AP5Z1: variants seen among roughly 807,000 people sequenced by gnomAD.
AP5Z1 encodes the protein AP-5 complex subunit zeta-1.
Under a neutral mutation model 83.0 loss-of-function variants are expected in AP5Z1, and 106 were observed. The ratio of observed to expected loss-of-function variants is 1.28; its 90% confidence interval spans 1.09 to 1.50. The LOEUF (loss-of-function observed/expected upper bound fraction) is 1.50. Ranked by LOEUF, AP5Z1 falls within the 40% of genes most tolerant of loss-of-function variation. AP5Z1 has a pLI of 0.00. For missense variants in AP5Z1, 1,565 were observed against 1,094.2 expected (o/e 1.43, Z -6.07); for synonymous variants, 751 against 514.1 (o/e 1.46, Z -6.23).
chr7:4,789,695 C>G (rs1013183999), intron 13 of AP5Z1, 137 bp from the exon 14 acceptor site: 37 of 624,406 alleles, frequency 5.9e-5, no homozygotes, highest in Non-Finnish European at 9.3e-5. Context: ...CTCTGTGTCC[C>G]TGGGTGTTGG....
intron 10 of AP5Z1, among the ~76,000 whole-genome samples, chr7:4,787,221 AGT>A (rs1397217834): frequency 5.3e-5 from 8 of 151,664 alleles, no homozygotes; most frequent in Admixed American, 1.3e-4. Flanking sequence ...GGCTGGGGGC[AGT>A]GGCTCACACC....
Position 4,781,224 on chromosome 7 carries a change from C to G in AP5Z1, c.91C>G (p.Leu31Val). ...GAAGTTCTGTTCCCGGATCTGTAAACTGCTGCAGGCGGAGGACTTGGGGCC... is the reference window on the plus strand; with the variant it reads ...GAAGTTCTGTTCCCGGATCTGTAAAGTGCTGCAGGCGGAGGACTTGGGGCC... Reference protein sequence around the residue: ...LKKFCSRICKLLQAEDLGPDT... With the variant: ...LKKFCSRICKVLQAEDLGPDT... The change falls in exon 2 of 17, where the codon CTG (leucine) becomes GTG (valine). Residue 31 changes from leucine to valine, a missense_variant. By Grantham distance (32) the Leu-to-Val change is conservative. Transcript: ENST00000649063. The G allele has an allele frequency of 1.2e-6, 2 of 1,613,740 alleles. No homozygotes were observed. The highest frequency in any genetic ancestry group is 1.7e-6 in the Non-Finnish European group (2 of 1,179,630).
In AP5Z1 at chr7:4,785,600, C is replaced by G. The variant is rs1377553895; in HGVS notation, c.1048C>G (p.Leu350Val). ...PSFLYRSLSC[L>V]KALHGRVRGD... is the part of the protein sequence containing the mutation. ...CTTCCTGTACCGAAGTCTCTCCTGCCTGAAGGCCCTGCACGGGCGGGTGCG... is the reference window on the plus strand; with the variant it reads ...CTTCCTGTACCGAAGTCTCTCCTGCGTGAAGGCCCTGCACGGGCGGGTGCG... The change falls in exon 9 of 17, where the codon CTG becomes GTG. Residue 350 changes from leucine (L) to valine (V), a missense_variant. Leu to Val is a conservative substitution (Grantham distance 32). Transcript: ENST00000649063. 1.9e-6 allele frequency: 3 copies of G among 1,596,922 alleles called. No homozygotes were observed. Among genetic ancestry groups the G allele is most frequent in the African/African-American group, 2.7e-5 (2 of 74,744 alleles).
Position 4,785,517 on chromosome 7 carries a change from C to T in AP5Z1, c.970-5C>T, listed in dbSNP as rs373671779. On this transcript the variant is annotated splice_polypyrimidine_tract_variant and splice_region_variant and intron_variant, in intron 8 of 16. Coordinates refer to ENST00000649063, the MANE Select transcript of AP5Z1 (RefSeq NM_014855.3). ...GGCCCATTTGATGTGGTCCATGTCC[C>T]GCAGTGCCTGGTGGAGGCCGTGCTG... is the stretch of plus-strand genomic sequence containing the variant. 2.8e-4 allele frequency: 459 copies of T among 1,613,158 alleles called. 1 individual carries two copies. The highest frequency in any genetic ancestry group is 1.4e-3 in the African/African-American group (106 of 74,940).
intron 3 of AP5Z1, among the ~76,000 whole-genome samples, chr7:4,782,995 T>C (rs1452813138): frequency 6.6e-6 from 1 of 152,218 alleles, no homozygotes; most frequent in Non-Finnish European, 1.5e-5. Context: ...GGATCCACAC[T>C]GGAGGCCCCG....
At chr7:4,785,815 C>T in intron 9 of AP5Z1, 131 bp downstream of exon 9, 4 of 1,276,854 alleles carry the variant, frequency 3.1e-6, no homozygotes, top group South Asian at 1.9e-5. Context: ...CTGTGTTGCC[C>T]AGGCTGGTCT....
chr7:4,783,476 C>G lies in AP5Z1; in HGVS notation c.511+16C>G. 1 of 1,608,204 alleles carries G rather than the reference C, an allele frequency of 6.2e-7. No homozygotes were observed. The highest frequency in any genetic ancestry group is 1.1e-5 in the South Asian group (1 of 90,840). The stretch of plus-strand genomic sequence containing the variant: ...CTCCAGGAGGGTACGCGGGGCCCCT[C>G]CCAAGAGGCTGTTGGGGGTCTGCCT... On this transcript the variant is annotated intron_variant, in intron 4 of 16. Transcript: ENST00000649063.
chr7:4,790,407 G>A (rs771110818), intron 14 of AP5Z1, 52 bp from the exon 15 acceptor site: 10 of 1,611,904 alleles, frequency 6.2e-6, no homozygotes, highest in South Asian at 4.4e-5. Flanking sequence ...CCTGGATGGG[G>A]ATGGGGTCAT....
At chr7:4,775,777 C>T (rs758861675) in intron 1 of AP5Z1, 21 bp downstream of exon 1, 21 of 1,601,110 alleles carry the variant, frequency 1.3e-5, no homozygotes, top group Non-Finnish European at 1.5e-5. Context: ...GCTGCGGCCC[C>T]GGCCCTCCTT....
chr7:4,779,627 AT>A (rs1202138270), intron 1 of AP5Z1, among the ~76,000 whole-genome samples: 4 of 150,762 alleles, frequency 2.7e-5, no homozygotes, highest in South Asian at 2.1e-4. Flanking sequence ...TGCCCAGTGA[AT>A]TTTTTTTATT....
At chr7:4,776,668 G>A (rs969249639) in intron 1 of AP5Z1, among the ~76,000 whole-genome samples, 7 of 152,098 alleles carry the variant, frequency 4.6e-5, no homozygotes, top group African/African-American at 1.4e-4. Flanking sequence ...CTGTGAGGTG[G>A]AGGTTACAGT....
intron 9 of AP5Z1, 149 bp downstream of exon 9, chr7:4,785,833 G>T: frequency 1.7e-6 from 2 of 1,162,558 alleles, no homozygotes; most frequent in South Asian, 2.1e-5. Flanking sequence ...TCTGGAACTC[G>T]TGGCCTCAAG....
At position 4,783,804 on chromosome 7, in the gene AP5Z1, G is replaced by T. The variant is rs764806337; in HGVS notation, c.621+6G>T. 1.2e-5 allele frequency: 18 copies of T among 1,546,000 alleles called. No homozygotes were observed. Among genetic ancestry groups the T allele is most frequent in the Non-Finnish European group, 1.2e-5 (14 of 1,146,668 alleles). On this transcript the variant is annotated splice_donor_region_variant and intron_variant, in intron 5 of 16. Transcript: ENST00000649063. ...CCACGCCCAGGGCCCGGCAGGTGAG[G>T]CTGGGACTGTTCTGGAACCATGGGG...
intron 1 of AP5Z1, among the ~76,000 whole-genome samples, chr7:4,779,126 C>T (rs1781303631): frequency 1.4e-5 from 2 of 139,514 alleles, no homozygotes; most frequent in Admixed American, 7.6e-5. Context: ...TGAGATAGAG[C>T]ATATTATATA....
chr7:4,788,748 G>A, intron 12 of AP5Z1, 92 bp from the exon 13 acceptor site: 2 of 1,150,736 alleles, frequency 1.7e-6, no homozygotes, highest in Non-Finnish European at 2.4e-6. Flanking sequence ...AGCGGGCTCA[G>A]CTGTGCGAGA....
chr7:4,783,578 G>T lies in AP5Z1; in HGVS notation c.512-111G>T, dbSNP rs78580507. On this transcript the variant is annotated intron_variant, in intron 4 of 16. Transcript: ENST00000649063. ...GTGGGGGACACGGGGAGGCCCGAGG[G>T]TTTGGGACGCTGCAGGATTCTGTTT... The T allele has an allele frequency of 2.5e-3, 3,878 of 1,535,026 alleles. 90 individuals are homozygous for T. In the African/African-American group the frequency reaches 0.047, roughly 19 times the overall value.
At chr7:4,785,306 C>T in intron 7 of AP5Z1, 109 bp from the exon 8 acceptor site, 4 of 1,444,866 alleles carry the variant, frequency 2.8e-6, no homozygotes, top group African/African-American at 1.4e-5. Flanking sequence ...GGGCCTGTCC[C>T]ACCCCCCTGC....
rs1562411400 is a variant in AP5Z1 at position 4,788,192 on chromosome 7, C to T, written c.1493C>T (p.Thr498Ile). The T allele has an allele frequency of 5.1e-6, 8 of 1,560,480 alleles. No homozygotes were observed. Among genetic ancestry groups the T allele is most frequent in the South Asian group, 2.4e-5 (2 of 84,740 alleles). The change falls in exon 12 of 17, where the codon ACC becomes ATC. Residue 498 changes from threonine (T) to isoleucine (I), a missense_variant. Physicochemically the swap from Thr to Ile is moderately conservative, Grantham distance 89. Transcript: ENST00000649063. ...GCATCCGAGAGGCCACTCTGGGACA[C>T]CTCTCTCAGGGCCCCCAGCTGCCTG... is the stretch of plus-strand genomic sequence containing the variant. The part of the protein sequence containing the change: ...PAASERPLWD[T>I]SLRAPSCLEA...
rs981299957 is a variant in AP5Z1 at position 4,794,261 on chromosome 7, G to A, written c.*2876G>A. 5 of 152,256 alleles carry A rather than the reference G, an allele frequency of 3.3e-5. No individual in the cohort carries two copies. The highest frequency in any genetic ancestry group is 9.6e-5 in the African/African-American group (4 of 41,462). The allele number at this position is 152,256 out of a possible 1,614,324, so 9.4% of individuals were successfully genotyped here. ...CAAAACAGACCACTCGGCTCTACCAGTCAGCAGGATGTGGGTGGGGCCAGA... is the reference window on the plus strand; with the variant it reads ...CAAAACAGACCACTCGGCTCTACCAATCAGCAGGATGTGGGTGGGGCCAGA... On this transcript the variant is annotated 3_prime_UTR_variant, in exon 17 of 17. Transcript: ENST00000649063.
Sources: gnomAD v4.1 joint callset for allele counts (sites outside exome capture counted in the v4.1 genomes callset) on GRCh38, gnomAD v4.1.1 for gene constraint, MANE v1.5 for transcripts, NCBI Gene and HGNC (gene_info 2026-07-23, HGNC 2026-07-21) for gene names.